GHR: variants seen among roughly 807,000 people sequenced by gnomAD.
The protein encoded by GHR is GH receptor.
A neutral mutation model predicts 67.1 loss-of-function variants in GHR; 35 were observed. The ratio of observed to expected loss-of-function variants is 0.52; its 90% CI spans 0.40 to 0.69. The LOEUF is 0.69. Ranked by LOEUF, GHR falls within the 30% of genes least tolerant of loss-of-function variation. GHR has a pLI of 0.00. For missense variants in GHR, 792 were observed against 764.6 expected, an observed-to-expected ratio of 1.04 and a Z score of -0.42; for synonymous variants, 272 against 269.1, an observed-to-expected ratio of 1.01 and a Z score of -0.10.
At chr5:42,669,033 C>T (rs867485588) in intron 3 of GHR, among the ~76,000 whole-genome samples, 7 of 152,080 alleles carry the variant, frequency 4.6e-5, no homozygotes, top group Admixed American at 6.6e-5. Context: ...ATACATAGAG[C>T]AAAAATCATT....
intron 1 of GHR, among the ~76,000 whole-genome samples, chr5:42,504,775 A>G (rs1746687325): frequency 6.6e-6 from 1 of 152,138 alleles, no homozygotes; most frequent in South Asian, 2.1e-4. Context: ...AATAAAATAA[A>G]ATAAAAGTAA....
At chr5:42,671,077 C>A (rs1756267403) in intron 3 of GHR, among the ~76,000 whole-genome samples, 1 of 151,906 alleles carries the variant, frequency 6.6e-6, no homozygotes, top group African/African-American at 2.4e-5. Flanking sequence ...GTTAATTTGC[C>A]ATGATAAACT....
At chr5:42,624,681 T>G (rs1753614492) in intron 2 of GHR, among the ~76,000 whole-genome samples, 1 of 152,230 alleles carries the variant, frequency 6.6e-6, no homozygotes, top group East Asian at 1.9e-4. Flanking sequence ...ATTTTTTTCT[T>G]CCTTTGAACT....
At chr5:42,479,001 G>C (rs951146485) in intron 1 of GHR, among the ~76,000 whole-genome samples, 60 of 152,184 alleles carry the variant, frequency 3.9e-4, no homozygotes, top group Non-Finnish European at 3.7e-4. Flanking sequence ...TGCCCATTCA[G>C]TATGATATTG....
intron 1 of GHR, among the ~76,000 whole-genome samples, chr5:42,560,467 C>A (rs1749545031): frequency 6.6e-6 from 1 of 152,200 alleles, no homozygotes; most frequent in Admixed American, 6.5e-5. Context: ...GCTGGGATTA[C>A]AGGTGTAAGC....
rs181432472 is a variant in GHR at position 42,548,451 on chromosome 5, A to G, written c.-11-17413A>G. The G allele has an allele frequency of 9.8e-4, 961 of 985,088 alleles. 8 individuals are homozygous for G. In the African/African-American group the frequency reaches 0.015, roughly 15 times the overall value. The allele number at this position is 985,088 out of a possible 1,614,324, so 61.0% of individuals were successfully genotyped here. A position where few individuals can be genotyped will look rare whatever the true frequency, so the allele number is the denominator to read the frequency against. On this transcript the variant is annotated intron_variant, in intron 1 of 9. Transcript: ENST00000230882. The stretch of plus-strand genomic sequence containing the variant: ...TATGAGTGAAAGAAAAAGGAAATTT[A>G]AAAAGTTCTTGATATAAAGCCTGGA...
intron 1 of GHR, among the ~76,000 whole-genome samples, chr5:42,455,795 C>T (rs1744234816): frequency 2.0e-5 from 3 of 152,170 alleles, no homozygotes; most frequent in Admixed American, 6.5e-5. Context: ...GAAGCCCAAA[C>T]TCTGGTTTAT....
rs1744630224 is a variant in GHR, at chr5:42,464,226, AC to A, written c.-12+40272del. Among the ~76,000 whole-genome samples, 4 of 152,126 alleles carry A rather than the reference AC, an allele frequency of 2.6e-5. No individual in the cohort carries two copies. In the South Asian group the frequency reaches 8.3e-4, roughly 32 times the overall value. On this transcript the variant is annotated intron_variant, in intron 1 of 9. Transcript: ENST00000230882. ...AAGTGGATGTGTTTATTGAACATTT[AC>A]GATGTACATGAACTGCTCTCAATGC...
chr5:42,637,138 A>G (rs2112774571), intron 3 of GHR, among the ~76,000 whole-genome samples: 1 of 152,258 alleles, frequency 6.6e-6, no homozygotes, highest in Non-Finnish European at 1.5e-5. Flanking sequence ...TTATTGGACC[A>G]CACCCATGCC....
At chr5:42,542,332 T>C (rs1316390189) in intron 1 of GHR, among the ~76,000 whole-genome samples, 1 of 152,174 alleles carries the variant, frequency 6.6e-6, no homozygotes, top group Admixed American at 6.5e-5. Flanking sequence ...TGCCACAATG[T>C]GGAAGTCATT....
chr5:42,464,227 C>T (rs1375600359), intron 1 of GHR, among the ~76,000 whole-genome samples: 1 of 152,012 alleles, frequency 6.6e-6, no homozygotes, highest in Non-Finnish European at 1.5e-5. Flanking sequence ...TGAACATTTA[C>T]GATGTACATG....
At chr5:42,431,710 T>TAATAATTC (rs1743103643) in intron 1 of GHR, among the ~76,000 whole-genome samples, 3 of 152,354 alleles carry the variant, frequency 2.0e-5, no homozygotes, top group African/African-American at 7.2e-5. Context: ...CAATGAATTA[T>TAATAATTC]ACTTCTTAGG....
At chr5:42,533,408 G>A (rs1748067601) in intron 1 of GHR, among the ~76,000 whole-genome samples, 2 of 151,704 alleles carry the variant, frequency 1.3e-5, no homozygotes, top group African/African-American at 4.8e-5. Flanking sequence ...CTCCCTATCT[G>A]CTGATTGCAT....
rs1293092714 is a variant in GHR, at chr5:42,571,313, G to T, written c.70+5369G>T. On this transcript the variant is annotated intron_variant, in intron 2 of 9. Transcript: ENST00000230882. ...GTCCTGCAGCTGTCTGCTCAGCTCT[G>T]CAGTATGGCTGTGGTATGGCTCAGG... 2.0e-5 allele frequency among the ~76,000 whole-genome samples: 3 copies of T among 152,162 alleles called. No homozygotes were observed. In the East Asian group the frequency reaches 5.8e-4, roughly 29 times the overall value.
intron 2 of GHR, among the ~76,000 whole-genome samples, chr5:42,624,671 A>AT (rs1416711579): frequency 6.6e-6 from 1 of 152,112 alleles, no homozygotes; most frequent in African/African-American, 2.4e-5. Context: ...GATTAACTTA[A>AT]TTTTTTTCTT....
chr5:42,487,410 C>T (rs1214878854), intron 1 of GHR, among the ~76,000 whole-genome samples: 4 of 152,170 alleles, frequency 2.6e-5, no homozygotes, highest in East Asian at 3.8e-4. Flanking sequence ...TAGAGAAAAG[C>T]TCTACATTTA....
chr5:42,695,237 C>T, intron 5 of GHR, 148 bp downstream of exon 5: 1 of 687,800 alleles, frequency 1.5e-6, no homozygotes, highest in South Asian at 1.6e-5. Flanking sequence ...ATGGGATCAG[C>T]TGGTGAACAA....
intron 2 of GHR, among the ~76,000 whole-genome samples, chr5:42,578,098 C>T (rs1390654322): frequency 2.0e-5 from 3 of 151,992 alleles, no homozygotes; most frequent in Admixed American, 6.6e-5. Context: ...TGGTGGGAGG[C>T]GTGTCCTGTG....
intron 3 of GHR, among the ~76,000 whole-genome samples, chr5:42,682,562 AGT>A (rs1756939546): frequency 6.6e-6 from 1 of 152,100 alleles, no homozygotes; most frequent in South Asian, 2.1e-4. Context: ...AGGAATGCTG[AGT>A]GTCTTCAGCC....
Sources: allele counts gnomAD v4.1 joint callset (sites outside exome capture counted in the v4.1 genomes callset), GRCh38; gene constraint gnomAD v4.1.1; transcripts MANE v1.5; gene names NCBI Gene and HGNC (gene_info 2026-07-23, HGNC 2026-07-21).